LARS2: variants seen among roughly 807,000 people sequenced by gnomAD.
LARS2 encodes the protein leucine--tRNA ligase, mitochondrial.
A neutral mutation model predicts 116.6 loss-of-function variants in LARS2; 81 were observed. That is an observed-to-expected ratio of 0.69 (90% CI 0.58 to 0.84). The LOEUF is 0.84. Among genes scored for constraint, LARS2 ranks in the 40% least tolerant of loss-of-function variants. The probability of loss-of-function intolerance (pLI) is 0.00; values close to 1 mark genes in which losing one functional copy is unlikely to be tolerated. For synonymous variants in LARS2, 396 were observed against 407.2 expected, an observed-to-expected ratio of 0.97 and a Z score of 0.33; for missense variants, 968 against 1,114.5, an observed-to-expected ratio of 0.87 and a Z score of 1.87.
At chr3:45,527,572 C>T (rs1370954902) in intron 20 of LARS2, among the ~76,000 whole-genome samples, 1 of 150,408 alleles carries the variant, frequency 6.6e-6, no homozygotes, top group Non-Finnish European at 1.5e-5. Flanking sequence ...TGCAGTGAGC[C>T]GAGATCACAC....
chr3:45,448,632 A>G (rs1448300009), intron 7 of LARS2, among the ~76,000 whole-genome samples: 2 of 152,244 alleles, frequency 1.3e-5, no homozygotes, highest in African/African-American at 2.4e-5. Flanking sequence ...GCTTCTATAG[A>G]TATTAAATTA....
In LARS2 at chr3:45,433,066, T is replaced by A. The variant is rs1044611110; in HGVS notation, c.516+13337T>A. Among the ~76,000 whole-genome samples the A allele has an allele frequency of 2.6e-5, 4 of 152,110 alleles. No homozygotes were observed. In the East Asian group the frequency reaches 7.7e-4, roughly 29 times the overall value. ...CCACTTCTTTTAACTTACTTCATCT[T>A]ACATTAATATAGCCACTTTTTCTTT... On this transcript the variant is annotated intron_variant, in intron 6 of 21. Coordinates refer to ENST00000645846, the MANE Select transcript of LARS2 (RefSeq NM_015340.4).
chr3:45,436,629 C>T (rs1698809042), intron 6 of LARS2, among the ~76,000 whole-genome samples: 1 of 151,474 alleles, frequency 6.6e-6, no homozygotes, highest in Non-Finnish European at 1.5e-5. Context: ...CCCGTCTCTA[C>T]TAAAAATACA....
chr3:45,400,977 C>G lies in LARS2; in HGVS notation c.363+604C>G, dbSNP rs544059747. Among the ~76,000 whole-genome samples the G allele has an allele frequency of 1.3e-4, 20 of 152,024 alleles. No homozygotes were observed. The South Asian group carries it at 4.2e-3, about 32-fold the overall frequency. ...TACAGGTGCCCACCACCACGCCTGGCTAATTTTTTGTATTTTTAGTAGAGA... is the reference window on the plus strand; with the variant it reads ...TACAGGTGCCCACCACCACGCCTGGGTAATTTTTTGTATTTTTAGTAGAGA... On this transcript the variant is annotated intron_variant, in intron 4 of 21. Transcript: ENST00000645846.
At chr3:45,423,588 A>G (rs753337718) in intron 6 of LARS2, among the ~76,000 whole-genome samples, 6 of 151,800 alleles carry the variant, frequency 4.0e-5, no homozygotes, top group Non-Finnish European at 8.8e-5. Flanking sequence ...TTATATTGCA[A>G]TTTTTCTAAT....
At chr3:45,532,664 C>CA in intron 20 of LARS2, among the ~76,000 whole-genome samples, 1 of 152,016 alleles carries the variant, frequency 6.6e-6, no homozygotes, top group African/African-American at 2.4e-5. Flanking sequence ...TTTTTTGAGA[C>CA]AGAGTCACAC....
At chr3:45,543,776 T>C (rs550946851) in intron 21 of LARS2, among the ~76,000 whole-genome samples, 47 of 152,214 alleles carry the variant, frequency 3.1e-4, no homozygotes, top group African/African-American at 1.1e-3. Context: ...AGCCCAGAAA[T>C]TTATTTAATT....
chr3:45,453,869 A>G (rs79537897), intron 7 of LARS2, among the ~76,000 whole-genome samples: 5 of 152,270 alleles, frequency 3.3e-5, no homozygotes, highest in East Asian at 1.9e-4. Flanking sequence ...TAAAAAAAAA[A>G]GAAAGAAAAG....
intron 7 of LARS2, among the ~76,000 whole-genome samples, chr3:45,449,156 A>AT (rs1161349903): frequency 0.018 from 1,869 of 102,900 alleles, 62 homozygotes; most frequent in African/African-American, 0.049. Flanking sequence ...TTAACTCACT[A>AT]TTTTTTTTTT....
intron 17 of LARS2, 122 bp downstream of exon 17, chr3:45,516,398 T>C (rs1700370354): frequency 2.2e-6 from 2 of 915,712 alleles, no homozygotes; most frequent in Non-Finnish European, 3.3e-6. Flanking sequence ...ATCAGTTCCA[T>C]AGAGCAAGTA....
chr3:45,428,082 A>G (rs1352654783), intron 6 of LARS2, among the ~76,000 whole-genome samples: 2 of 151,366 alleles, frequency 1.3e-5, no homozygotes, highest in East Asian at 1.9e-4. Flanking sequence ...CGGCCTCCCA[A>G]ATTGCTGGGA....
chr3:45,527,194 G>A (rs1700542700), intron 20 of LARS2, among the ~76,000 whole-genome samples: 1 of 152,158 alleles, frequency 6.6e-6, no homozygotes, highest in East Asian at 1.9e-4. Flanking sequence ...CATCTCAGAG[G>A]GTGCTAGGAA....
intron 20 of LARS2, among the ~76,000 whole-genome samples, chr3:45,530,474 C>G (rs935226984): frequency 4.6e-5 from 7 of 152,036 alleles, no homozygotes; most frequent in Non-Finnish European, 1.0e-4. Flanking sequence ...GAGCCAAGAT[C>G]GCACCACTAC....
chr3:45,469,214 TTGC>T (rs1423826800), intron 8 of LARS2, among the ~76,000 whole-genome samples: 1 of 152,212 alleles, frequency 6.6e-6, no homozygotes, highest in African/African-American at 2.4e-5. Context: ...CAAATGGATT[TTGC>T]TTGGAATACA....
At chr3:45,419,794 C>G in intron 6 of LARS2, 65 bp downstream of exon 6, 1 of 1,296,928 alleles carries the variant, frequency 7.7e-7, no homozygotes, top group Non-Finnish European at 1.1e-6. Context: ...AGGGAGCACT[C>G]TTCTTCCTCT....
chr3:45,507,241 A>G (rs1180379056), intron 15 of LARS2, among the ~76,000 whole-genome samples: 2 of 151,812 alleles, frequency 1.3e-5, no homozygotes, highest in African/African-American at 4.8e-5. Context: ...TATGATTTTA[A>G]AAAAAAAAAT....
At chr3:45,538,732 T>G (rs1199663649) in intron 20 of LARS2, among the ~76,000 whole-genome samples, 1 of 152,084 alleles carries the variant, frequency 6.6e-6, no homozygotes, top group African/African-American at 2.4e-5. Context: ...CATGGAAAGC[T>G]ACAACAAATA....
At chr3:45,492,443 C>T (rs368592429) in intron 13 of LARS2, among the ~76,000 whole-genome samples, 6 of 152,260 alleles carry the variant, frequency 3.9e-5, no homozygotes, top group African/African-American at 1.4e-4. Flanking sequence ...CCTTCTTCTG[C>T]GGAGAAGCCA....
chr3:45,541,537 G>A (rs1700795896), intron 20 of LARS2: 2 of 386,670 alleles, frequency 5.2e-6, no homozygotes, highest in Non-Finnish European at 9.4e-6. Flanking sequence ...GAACTTCAGA[G>A]AGATGACCCA....
Sources: gnomAD v4.1 joint callset for allele counts (sites outside exome capture counted in the v4.1 genomes callset) on GRCh38, gnomAD v4.1.1 for gene constraint, MANE v1.5 for transcripts, NCBI Gene and HGNC (gene_info 2026-07-23, HGNC 2026-07-21) for gene names.